SPG11: variants seen among roughly 807,000 people sequenced by gnomAD.
The protein encoded by SPG11 is SPG11 vesicle trafficking associated, spatacsin, also known as spatacsin.
Under a neutral mutation model 274.0 loss-of-function variants are expected in SPG11, and 222 were observed. The ratio of observed to expected loss-of-function variants is 0.81; its 90% CI spans 0.73 to 0.91. The LOEUF (loss-of-function observed/expected upper bound fraction) is 0.91, where lower values mean the gene tolerates loss of function less well. SPG11 is among the 40% of genes least tolerant of loss of function. The probability of loss-of-function intolerance (pLI) is 0.00; values close to 1 mark genes in which losing one functional copy is unlikely to be tolerated. For synonymous variants in SPG11, 1,144 were observed against 1,039.7 expected (o/e 1.10, Z -1.93); for missense variants, 3,114 against 2,872.7 (o/e 1.08, Z -1.92).
rs1402292319 is a variant in SPG11 at position 44,573,609 on chromosome 15, G to C, written c.6143C>G (p.Thr2048Ser). Residue 2048 changes from threonine to serine, a missense_variant, in exon 32 of 40, where the codon ACT becomes AGT. Thr to Ser is a moderately conservative substitution (Grantham distance 58). Coordinates refer to ENST00000261866, the MANE Select transcript of SPG11 (RefSeq NM_025137.4). ...CTCTTCTGCCACGAGTTCAGCCACA[G>C]TATCTGGCTTAAGGCCCTGTGTGCT... ...FISTQGLKPD[T>S]VAELVAEEVT... 6.2e-7 allele frequency: 1 copy of C among 1,614,190 alleles called. No individual in the cohort carries two copies. Among genetic ancestry groups the C allele is most frequent in the Non-Finnish European group, 8.5e-7 (1 of 1,180,036 alleles).
At chr15:44,631,544 A>G (rs1343826596) in intron 8 of SPG11, among the ~76,000 whole-genome samples, 1 of 152,218 alleles carries the variant, frequency 6.6e-6, no homozygotes, top group Non-Finnish European at 1.5e-5. Flanking sequence ...GAGCTGAAGA[A>G]AGCAGAAGCA....
At chr15:44,640,251 A>T (rs1031951515) in intron 7 of SPG11, among the ~76,000 whole-genome samples, 3 of 152,104 alleles carry the variant, frequency 2.0e-5, no homozygotes, top group Admixed American at 6.6e-5. Flanking sequence ...AACAATAAAT[A>T]CAGTATTTAA....
chr15:44,586,056 C>T (rs538708936), intron 28 of SPG11, among the ~76,000 whole-genome samples: 15 of 145,562 alleles, frequency 1.0e-4, no homozygotes, highest in African/African-American at 3.9e-4. Context: ...GTGATCTCCG[C>T]TCGCTGCAAC....
At chr15:44,634,672 C>T (rs572439102) in intron 7 of SPG11, among the ~76,000 whole-genome samples, 37 of 152,002 alleles carry the variant, frequency 2.4e-4, no homozygotes, top group Admixed American at 1.1e-3. Flanking sequence ...CTGCAATCTC[C>T]GCCTCCCAGG....
rs201257116 is a variant in SPG11 at position 44,577,580 on chromosome 15, C to CTA, written c.5867-2541_5867-2540dup. Among the ~76,000 whole-genome samples the CTA allele has an allele frequency of 3.6e-3, 547 of 151,942 alleles. 11 individuals are homozygous for CTA. In the East Asian group the frequency reaches 0.037, roughly 10 times the overall value. On this transcript the variant is annotated intron_variant, in intron 30 of 39. Coordinates refer to ENST00000261866, the MANE Select transcript of SPG11 (RefSeq NM_025137.4). ...AAAATAAAATGCAACTCAGACCATG[C>CTA]TATTCCCCTGCTTAAATCCTTCACT...
intron 7 of SPG11, among the ~76,000 whole-genome samples, chr15:44,639,441 C>T (rs1299103099): frequency 1.3e-5 from 2 of 152,202 alleles, no homozygotes; most frequent in South Asian, 2.1e-4. Flanking sequence ...TGGTGGTTCA[C>T]GCCCGTAATC....
intron 30 of SPG11, 99 bp from the exon 31 acceptor site, chr15:44,575,140 T>TG: frequency 6.9e-7 from 1 of 1,444,968 alleles, no homozygotes; most frequent in Non-Finnish European, 9.5e-7. Context: ...CTCCCTGCAC[T>TG]GCACTCCCAT....
rs774564399 is a variant in SPG11 at position 44,663,662 on chromosome 15, T to C, written c.-15A>G. The C allele has an allele frequency of 6.3e-7, 1 of 1,586,478 alleles. No individual in the cohort carries two copies. The highest frequency in any genetic ancestry group is 1.1e-5 in the South Asian group (1 of 88,974). On this transcript the variant is annotated 5_prime_UTR_variant, in exon 1 of 40. Coordinates refer to ENST00000261866, the MANE Select transcript of SPG11 (RefSeq NM_025137.4). The stretch of plus-strand genomic sequence containing the variant: ...TCTGCAGCCATCTTGGCCCGGCGGT[T>C]ACTTCCGGTCACTTTCGCCGGAACC...
At chr15:44,646,767 G>A (rs1328832215) in intron 7 of SPG11, among the ~76,000 whole-genome samples, 1 of 152,136 alleles carries the variant, frequency 6.6e-6, no homozygotes, top group African/African-American at 2.4e-5. Flanking sequence ...ATAAGTGGGA[G>A]CTAAACACAG....
chr15:44,630,349 C>T (rs1344728466), intron 8 of SPG11, among the ~76,000 whole-genome samples: 4 of 152,142 alleles, frequency 2.6e-5, no homozygotes, highest in Non-Finnish European at 5.9e-5. Flanking sequence ...CCATCTCCAC[C>T]CTTTAGAGCT....
chr15:44,600,378 G>A (rs1322799726), intron 21 of SPG11, 89 bp downstream of exon 21: 1 of 1,438,700 alleles, frequency 7.0e-7, no homozygotes, highest in Non-Finnish European at 9.8e-7. Flanking sequence ...TTGAACTCCT[G>A]GGCTCAAGTG....
intron 8 of SPG11, among the ~76,000 whole-genome samples, chr15:44,630,649 G>C (rs902739172): frequency 6.6e-6 from 1 of 152,064 alleles, no homozygotes; most frequent in Non-Finnish European, 1.5e-5. Context: ...GAGCGATCTC[G>C]GGTCACTGCA....
chr15:44,564,117 C>T (rs1038400832), intron 39 of SPG11, among the ~76,000 whole-genome samples: 5 of 152,058 alleles, frequency 3.3e-5, no homozygotes, highest in East Asian at 1.9e-4. Context: ...CTCAGCCTCC[C>T]GAGTAGCTGG....
intron 7 of SPG11, among the ~76,000 whole-genome samples, chr15:44,646,233 A>G (rs1358006506): frequency 1.3e-5 from 2 of 152,140 alleles, no homozygotes; most frequent in Non-Finnish European, 2.9e-5. Flanking sequence ...ATCAACCTAA[A>G]TGCCCATGAT....
intron 34 of SPG11, among the ~76,000 whole-genome samples, chr15:44,570,205 T>C (rs567244808): frequency 6.6e-6 from 1 of 152,292 alleles, no homozygotes; most frequent in African/African-American, 2.4e-5. Context: ...GGGGGGAAGG[T>C]CCAAACCTTG....
chr15:44,610,809 G>C, intron 18 of SPG11, 31 bp downstream of exon 18: 1 of 1,599,356 alleles, frequency 6.3e-7, no homozygotes, highest in Non-Finnish European at 8.6e-7. Flanking sequence ...TTAAAAATCA[G>C]TCCTATTTTG....
chr15:44,597,107 ATTCTTTTTT>A (rs1460350242), intron 23 of SPG11, 164 bp from the exon 24 acceptor site: 3 of 464,180 alleles, frequency 6.5e-6, no homozygotes, highest in Non-Finnish European at 1.1e-5. Context: ...AAAAAAGTAG[ATTCTTTTTT>A]TTTTTTTTTT....
intron 8 of SPG11, among the ~76,000 whole-genome samples, chr15:44,632,196 T>C (rs2084086821): frequency 6.6e-6 from 1 of 152,140 alleles, no homozygotes; most frequent in African/African-American, 2.4e-5. Flanking sequence ...TTGGGATTAT[T>C]GGCTCTCTCC....
rs1021717728 is a variant in SPG11, at chr15:44,592,430, C to A, written c.4644G>T (p.Pro1548=). The change falls in exon 27 of 40, where the codon CCG becomes CCT. Residue 1548 remains proline (P), a synonymous_variant. Transcript: ENST00000261866. The stretch of plus-strand genomic sequence containing the variant: ...CATACATCTCCATCACCAGTAGTAA[C>A]GGGGAATCCTTTGACAAAGAGTTTG... ...RGFQLFFKDS[P]LLLVMEMYEL... is the part of the protein sequence containing the mutation. The A allele has an allele frequency of 1.9e-6, 3 of 1,589,314 alleles. No individual in the cohort carries two copies. Among genetic ancestry groups the A allele is most frequent in the Non-Finnish European group, 2.6e-6 (3 of 1,157,670 alleles).
Sources: allele counts gnomAD v4.1 joint callset (sites outside exome capture counted in the v4.1 genomes callset), GRCh38; gene constraint gnomAD v4.1.1; transcripts MANE v1.5; gene names NCBI Gene and HGNC (gene_info 2026-07-23, HGNC 2026-07-21).